The following CHRM2 variants were observed in gnomAD, a reference collection of about 807,000 sequenced individuals.
CHRM2 encodes the protein muscarinic acetylcholine receptor M2.
CHRM2 carries 8 observed loss-of-function variants against 25.0 expected under a neutral mutation model. The ratio of observed to expected loss-of-function variants is 0.32; its 90% CI spans 0.19 to 0.58. CHRM2 has a LOEUF of 0.58. CHRM2 is among the 20% of genes least tolerant of loss of function. The pLI is 0.88. For missense variants in CHRM2, 440 were observed against 567.1 expected (o/e 0.78, Z 2.28); for synonymous variants, 202 against 205.7 (o/e 0.98, Z 0.15).
intron 2 of CHRM2, among the ~76,000 whole-genome samples, chr7:136,952,688 C>T (rs1275493441): frequency 6.6e-6 from 1 of 152,062 alleles, no homozygotes; most frequent in Non-Finnish European, 1.5e-5. Context: ...GCCTAATACC[C>T]ATTAGTTGTT....
chr7:136,940,802 A>G (rs555567188), intron 2 of CHRM2, among the ~76,000 whole-genome samples: 29 of 152,352 alleles, frequency 1.9e-4, no homozygotes, highest in African/African-American at 6.3e-4. Flanking sequence ...TGTGAATTAG[A>G]TAGGTTATAT....
chr7:136,999,568 C>T (rs1803848333), intron 3 of CHRM2, among the ~76,000 whole-genome samples: 1 of 151,084 alleles, frequency 6.6e-6, no homozygotes, highest in African/African-American at 2.4e-5. Flanking sequence ...CCACAACAGG[C>T]CCCGGTGTAT....
At chr7:136,934,353 G>A (rs1036079258) in intron 2 of CHRM2, among the ~76,000 whole-genome samples, 1 of 151,972 alleles carries the variant, frequency 6.6e-6, no homozygotes, top group Non-Finnish European at 1.5e-5. Context: ...TATGTCCACA[G>A]AGATACTTCA....
chr7:137,010,181 G>A (rs999520926), intron 3 of CHRM2, among the ~76,000 whole-genome samples: 2 of 152,064 alleles, frequency 1.3e-5, no homozygotes, highest in African/African-American at 4.8e-5. Flanking sequence ...GAGTCTCACA[G>A]CTAATAATTA....
At chr7:136,870,753 C>CT (rs1795794834) in intron 2 of CHRM2, 1 of 152,328 alleles carries the variant, frequency 6.6e-6, no homozygotes, top group Admixed American at 6.5e-5. Flanking sequence ...CCTCCCGCGT[C>CT]TTTAAGTCAG....
At chr7:136,933,847 T>C (rs1183000576) in intron 2 of CHRM2, among the ~76,000 whole-genome samples, 1 of 152,190 alleles carries the variant, frequency 6.6e-6, no homozygotes, top group Non-Finnish European at 1.5e-5. Flanking sequence ...TTATACTGAA[T>C]TCCAGAATAG....
intron 3 of CHRM2, among the ~76,000 whole-genome samples, chr7:136,998,940 C>T (rs558763194): frequency 2.0e-4 from 31 of 152,166 alleles, no homozygotes; most frequent in African/African-American, 3.1e-4. Context: ...TAGTTAATCA[C>T]GCCAAATAGG....
intron 2 of CHRM2, among the ~76,000 whole-genome samples, chr7:136,947,043 A>T (rs547927911): frequency 6.6e-6 from 1 of 152,274 alleles, no homozygotes; most frequent in East Asian, 1.9e-4. Flanking sequence ...TCCAGATAAA[A>T]TCCTCCATTT....
intron 2 of CHRM2, among the ~76,000 whole-genome samples, chr7:136,894,568 C>T (rs1034664968): frequency 3.3e-5 from 5 of 152,050 alleles, no homozygotes; most frequent in South Asian, 2.1e-4. Flanking sequence ...GACGGGGTTT[C>T]GCCATGTTGG....
At chr7:137,007,404 T>C (rs1171002709) in intron 3 of CHRM2, among the ~76,000 whole-genome samples, 2 of 148,296 alleles carry the variant, frequency 1.3e-5, no homozygotes, top group South Asian at 4.3e-4. Flanking sequence ...TTCAGTAAGA[T>C]ATTTTGAAAT....
intron 2 of CHRM2, among the ~76,000 whole-genome samples, chr7:136,915,155 A>G (rs1422596239): frequency 6.6e-6 from 1 of 151,886 alleles, no homozygotes; most frequent in African/African-American, 2.4e-5. Flanking sequence ...AAAGGGATAT[A>G]TTTAGGAAGA....
chr7:136,930,609 T>C (rs980882453), intron 2 of CHRM2, among the ~76,000 whole-genome samples: 31 of 149,182 alleles, frequency 2.1e-4, no homozygotes, highest in African/African-American at 4.4e-4. Flanking sequence ...AAAAAATGGA[T>C]AGAAAATGCC....
chr7:136,912,868 C>T (rs571231657), intron 2 of CHRM2, among the ~76,000 whole-genome samples: 11 of 151,922 alleles, frequency 7.2e-5, no homozygotes, highest in Non-Finnish European at 8.8e-5. Context: ...CTCTATGAAA[C>T]GCGGTAATGA....
At chr7:136,933,466 A>C (rs1464224746) in intron 2 of CHRM2, among the ~76,000 whole-genome samples, 1 of 152,196 alleles carries the variant, frequency 6.6e-6, no homozygotes, top group Non-Finnish European at 1.5e-5. Context: ...AAATTGAACC[A>C]TTTACGTTGT....
At chr7:136,933,198 T>A (rs536783025) in intron 2 of CHRM2, among the ~76,000 whole-genome samples, 1 of 152,308 alleles carries the variant, frequency 6.6e-6, no homozygotes, top group South Asian at 2.1e-4. Flanking sequence ...ATCTCACAAC[T>A]TCTAAAGAAA....
chr7:136,993,139 T>C (rs771849084), intron 3 of CHRM2, among the ~76,000 whole-genome samples: 1 of 152,176 alleles, frequency 6.6e-6, no homozygotes, highest in Non-Finnish European at 1.5e-5. Flanking sequence ...GTAAGTCTGG[T>C]TCATTGAGAG....
At chr7:136,919,887 A>G (rs534646964) in intron 2 of CHRM2, among the ~76,000 whole-genome samples, 2 of 152,228 alleles carry the variant, frequency 1.3e-5, no homozygotes, top group African/African-American at 2.4e-5. Flanking sequence ...CAAAGTGGTC[A>G]TTGACCTTCG....
intron 2 of CHRM2, among the ~76,000 whole-genome samples, chr7:136,881,319 C>A (rs902007545): frequency 2.0e-5 from 3 of 151,648 alleles, no homozygotes; most frequent in African/African-American, 7.3e-5. Context: ...CATGTCTTTT[C>A]ATGGCTTGAT....
At chr7:136,968,322 A>G (rs1801542282) in intron 2 of CHRM2, among the ~76,000 whole-genome samples, 1 of 152,066 alleles carries the variant, frequency 6.6e-6, no homozygotes, top group Non-Finnish European at 1.5e-5. Context: ...TTAAAACCCC[A>G]ATAAGATATC....
Sources: allele counts gnomAD v4.1 joint callset (sites outside exome capture counted in the v4.1 genomes callset), GRCh38; gene constraint gnomAD v4.1.1; transcripts MANE v1.5; gene names NCBI Gene and HGNC (gene_info 2026-07-23, HGNC 2026-07-21).